LRFN5: variants seen among roughly 807,000 people sequenced by gnomAD.
The protein encoded by LRFN5 is leucine-rich repeat and fibronectin type-III domain-containing protein 5.
A neutral mutation model predicts 45.6 loss-of-function variants in LRFN5; 24 were observed. That is an observed-to-expected ratio of 0.53 (90% CI 0.38 to 0.74). The LOEUF is 0.74. Among genes scored for constraint, LRFN5 ranks in the 30% least tolerant of loss-of-function variants. The pLI, the probability that LRFN5 is intolerant of heterozygous loss-of-function variation, is 0.00. For missense variants in LRFN5, 776 were observed against 861.5 expected, an observed-to-expected ratio of 0.90 and a Z score of 1.24; for synonymous variants, 340 against 313.8, an observed-to-expected ratio of 1.08 and a Z score of -0.88.
At chr14:41,771,876 G>T (rs73316904) in intron 2 of LRFN5, among the ~76,000 whole-genome samples, 1 of 152,050 alleles carries the variant, frequency 6.6e-6, no homozygotes, top group African/African-American at 2.4e-5. Flanking sequence ...TATCTTTATA[G>T]CAATGCCCCA....
intron 2 of LRFN5, among the ~76,000 whole-genome samples, chr14:41,772,054 C>CGTCA (rs1259239470): frequency 6.6e-6 from 1 of 152,080 alleles, no homozygotes; most frequent in Non-Finnish European, 1.5e-5. Flanking sequence ...GGAAGCTTAC[C>CGTCA]GTCATGGCAG....
chr14:41,736,947 C>T (rs1482494743), intron 1 of LRFN5, among the ~76,000 whole-genome samples: 1 of 152,132 alleles, frequency 6.6e-6, no homozygotes, highest in African/African-American at 2.4e-5. Context: ...ACCATTCCTT[C>T]TGAAACTATT....
chr14:41,769,112 T>G (rs902111160), intron 2 of LRFN5, among the ~76,000 whole-genome samples: 5 of 151,688 alleles, frequency 3.3e-5, no homozygotes, highest in African/African-American at 9.7e-5. Context: ...AACACGTTCC[T>G]AATTAGGTTT....
intron 2 of LRFN5, among the ~76,000 whole-genome samples, chr14:41,768,024 T>C (rs975761521): frequency 1.3e-5 from 2 of 152,130 alleles, no homozygotes; most frequent in Admixed American, 6.5e-5. Flanking sequence ...TGCACTTTTA[T>C]ATAGAACAAA....
intron 1 of LRFN5, among the ~76,000 whole-genome samples, chr14:41,640,687 T>C (rs75130178): frequency 0.034 from 5,171 of 152,174 alleles, 171 homozygotes; most frequent in African/African-American, 0.086. Context: ...ATATTAGATA[T>C]TCTTGAGGCT....
At chr14:41,751,480 G>T (rs1046894214) in intron 1 of LRFN5, among the ~76,000 whole-genome samples, 9 of 151,936 alleles carry the variant, frequency 5.9e-5, no homozygotes, top group Admixed American at 2.6e-4. Context: ...TGGACTTCTA[G>T]ATATGTTCAA....
intron 1 of LRFN5, among the ~76,000 whole-genome samples, chr14:41,623,554 G>A (rs754807559): frequency 6.6e-6 from 1 of 152,098 alleles, no homozygotes; most frequent in African/African-American, 2.4e-5. Context: ...GGAATCAAAC[G>A]TGGTTCAGTT....
chr14:41,834,095 TC>T (rs1336817861), intron 2 of LRFN5, among the ~76,000 whole-genome samples: 1 of 151,858 alleles, frequency 6.6e-6, no homozygotes, highest in African/African-American at 2.4e-5. Context: ...TATACTTGCT[TC>T]CAGATCTACA....
intron 3 of LRFN5, among the ~76,000 whole-genome samples, chr14:41,890,581 C>T (rs935738496): frequency 6.6e-6 from 1 of 151,854 alleles, no homozygotes; most frequent in African/African-American, 2.4e-5. Context: ...GTGGCGGGCG[C>T]CTGTAGTCCC....
At chr14:41,647,788 G>A (rs1879888693) in intron 1 of LRFN5, among the ~76,000 whole-genome samples, 1 of 152,114 alleles carries the variant, frequency 6.6e-6, no homozygotes. Flanking sequence ...TCCAGTTTTT[G>A]AAGTGATTGG....
intron 2 of LRFN5, among the ~76,000 whole-genome samples, chr14:41,878,524 T>C (rs17112353): frequency 0.026 from 3,945 of 152,234 alleles, 172 homozygotes; most frequent in African/African-American, 0.09. Flanking sequence ...GAAAGATGGA[T>C]GTAGTAATGG....
chr14:41,671,125 T>C (rs1178924329), intron 1 of LRFN5, among the ~76,000 whole-genome samples: 2 of 151,864 alleles, frequency 1.3e-5, no homozygotes, highest in Non-Finnish European at 2.9e-5. Context: ...TAATATGAGA[T>C]TTCTTTGAAA....
At chr14:41,734,342 A>T (rs1456903151) in intron 1 of LRFN5, among the ~76,000 whole-genome samples, 2 of 110,880 alleles carry the variant, frequency 1.8e-5, no homozygotes, top group Admixed American at 9.6e-5. Context: ...ATATATATAT[A>T]TATTTAAATT....
In LRFN5 at chr14:41,615,481, A is replaced by G. The variant is rs555012093; in HGVS notation, c.-197+6919A>G. On this transcript the variant is annotated intron_variant, in intron 1 of 5. Transcript: ENST00000298119. ...ACAGTTTTCTGTATATCGTGATTTC[A>G]AGTCCTTTTACCTTTAATGGTTAAT... 9.2e-5 allele frequency among the ~76,000 whole-genome samples: 14 copies of G among 152,262 alleles called. 1 individual carries two copies. The South Asian group carries it at 2.9e-3, about 32-fold the overall frequency.
At chr14:41,683,060 T>C (rs1881971693) in intron 1 of LRFN5, among the ~76,000 whole-genome samples, 1 of 152,178 alleles carries the variant, frequency 6.6e-6, no homozygotes, top group Non-Finnish European at 1.5e-5. Context: ...AACATTGATA[T>C]GAAAATCCTC....
At chr14:41,803,801 A>G (rs1044063555) in intron 2 of LRFN5, among the ~76,000 whole-genome samples, 1 of 152,114 alleles carries the variant, frequency 6.6e-6, no homozygotes, top group Admixed American at 6.6e-5. Context: ...AGACAGAGGA[A>G]ATGCAATGGA....
intron 2 of LRFN5, among the ~76,000 whole-genome samples, chr14:41,877,546 G>C (rs1890227805): frequency 6.7e-6 from 1 of 149,002 alleles, no homozygotes; most frequent in Non-Finnish European, 1.5e-5. Context: ...TTTGTTTTGT[G>C]TAAGTAATTG....
intron 2 of LRFN5, among the ~76,000 whole-genome samples, chr14:41,848,730 C>A (rs1889157674): frequency 6.6e-6 from 1 of 152,072 alleles, no homozygotes; most frequent in Non-Finnish European, 1.5e-5. Context: ...CCAGGACTGA[C>A]TGGCTTCAAA....
intron 1 of LRFN5, among the ~76,000 whole-genome samples, chr14:41,751,888 A>G (rs1885149929): frequency 1.3e-5 from 2 of 150,574 alleles, no homozygotes; most frequent in Admixed American, 6.7e-5. Context: ...AACATTAGGC[A>G]TATCTCCTAA....
Sources: allele counts gnomAD v4.1 joint callset (sites outside exome capture counted in the v4.1 genomes callset), GRCh38; gene constraint gnomAD v4.1.1; transcripts MANE v1.5; gene names NCBI Gene and HGNC (gene_info 2026-07-23, HGNC 2026-07-21).